Variants in ATG10 observed in about 807,000 individuals in gnomAD.
ATG10 encodes the protein ubiquitin-like-conjugating enzyme ATG10.
A neutral mutation model predicts 32.1 loss-of-function variants in ATG10; 30 were observed. The ratio of observed to expected loss-of-function variants is 0.94; its 90% CI spans 0.70 to 1.27. The LOEUF (loss-of-function observed/expected upper bound fraction) is 1.27, where lower values mean the gene tolerates loss of function less well. ATG10 is among the 50% of genes most tolerant of loss of function. The probability of loss-of-function intolerance (pLI) is 0.00; values close to 1 mark genes in which losing one functional copy is unlikely to be tolerated. For synonymous variants in ATG10, 87 were observed against 91.5 expected (o/e 0.95, Z 0.28); for missense variants, 233 against 262.3 (o/e 0.89, Z 0.77).
At position 81,972,025 on chromosome 5, in the gene ATG10, A is replaced by C. The variant is rs1253456887; in HGVS notation, c.-294A>C. 2 of 152,134 alleles carry C rather than the reference A, an allele frequency of 1.3e-5. No homozygotes were observed. The highest frequency in any genetic ancestry group is 1.3e-4 in the Admixed American group (2 of 15,278). The allele number at this position is 152,134 out of a possible 1,614,324, so 9.4% of individuals were successfully genotyped here. A position where few individuals can be genotyped will look rare whatever the true frequency, so the allele number is the denominator to read the frequency against. ...CGGCCCCCACGGCGCGGGAAGGCGC[A>C]GTGCGCACGCTCCGACTCGGCCGTG... On this transcript the variant is annotated 5_prime_UTR_variant, in exon 1 of 8. Coordinates refer to ENST00000282185, the MANE Select transcript of ATG10 (RefSeq NM_031482.5).
chr5:82,210,717 C>G (rs540058847), intron 5 of ATG10, among the ~76,000 whole-genome samples: 32 of 152,156 alleles, frequency 2.1e-4, no homozygotes, highest in African/African-American at 7.7e-4. Context: ...ATGGCGAGGG[C>G]AGGGAACTTT....
chr5:82,229,989 A>G (rs566790949), intron 5 of ATG10, among the ~76,000 whole-genome samples: 3 of 152,306 alleles, frequency 2.0e-5, no homozygotes, highest in African/African-American at 7.2e-5. Context: ...TGCACTGGTC[A>G]ATCTGAAAAG....
intron 4 of ATG10, among the ~76,000 whole-genome samples, chr5:82,177,798 C>G (rs1228900154): frequency 6.6e-6 from 1 of 152,068 alleles, no homozygotes; most frequent in Non-Finnish European, 1.5e-5. Context: ...TTTTACTGCC[C>G]TCTTCATGCC....
At chr5:82,253,197 C>A in intron 6 of ATG10, 117 bp from the exon 7 acceptor site, 1 of 713,264 alleles carries the variant, frequency 1.4e-6, no homozygotes, top group Non-Finnish European at 2.5e-6. Flanking sequence ...GTGGTAGGTA[C>A]AAATCTTTGA....
At chr5:82,244,589 G>C (rs1189280875) in intron 5 of ATG10, among the ~76,000 whole-genome samples, 3 of 152,064 alleles carry the variant, frequency 2.0e-5, no homozygotes, top group Admixed American at 6.6e-5. Flanking sequence ...TGCCCAGCGT[G>C]GAAGGCAAAT....
chr5:82,081,753 G>A (rs1026220435), intron 3 of ATG10, among the ~76,000 whole-genome samples: 6 of 152,082 alleles, frequency 3.9e-5, no homozygotes, highest in African/African-American at 1.2e-4. Context: ...TGCTGGATTC[G>A]GTTTGCCAGT....
In ATG10 at chr5:82,229,654, A is replaced by T. The variant is rs1013112182; in HGVS notation, c.454-22908A>T. Reference sequence around the variant, plus strand: ...CATATTTTATACAAACTGGCACAGAATCTGAGTAAGTTGTGAGCTTTAGTT... The same window carrying T: ...CATATTTTATACAAACTGGCACAGATTCTGAGTAAGTTGTGAGCTTTAGTT... On this transcript the variant is annotated intron_variant, in intron 5 of 7. Transcript: ENST00000282185. Among the ~76,000 whole-genome samples the T allele has an allele frequency of 5.3e-5, 8 of 152,228 alleles. No individual in the cohort carries two copies. In the East Asian group the frequency reaches 1.5e-3, roughly 29 times the overall value.
intron 5 of ATG10, among the ~76,000 whole-genome samples, chr5:82,213,147 T>G (rs1745555967): frequency 6.6e-6 from 1 of 152,212 alleles, no homozygotes; most frequent in South Asian, 2.1e-4. Context: ...AGTCCTGAAC[T>G]TTTTGCGTCT....
intron 5 of ATG10, among the ~76,000 whole-genome samples, chr5:82,194,965 C>A (rs1744796294): frequency 6.6e-6 from 1 of 152,172 alleles, no homozygotes; most frequent in Admixed American, 6.5e-5. Flanking sequence ...TAAAGATGGC[C>A]AAACTGCACA....
At chr5:82,165,141 A>G (rs994771398) in intron 4 of ATG10, among the ~76,000 whole-genome samples, 1 of 152,212 alleles carries the variant, frequency 6.6e-6, no homozygotes, top group Non-Finnish European at 1.5e-5. Context: ...CAGCAGCCAC[A>G]TGGCGTCCTC....
At chr5:82,233,828 G>A (rs1476927472) in intron 5 of ATG10, among the ~76,000 whole-genome samples, 1 of 152,098 alleles carries the variant, frequency 6.6e-6, no homozygotes, top group East Asian at 1.9e-4. Context: ...AAATTAAATT[G>A]ACAAAAAACA....
intron 4 of ATG10, among the ~76,000 whole-genome samples, chr5:82,170,673 C>T (rs377720695): frequency 1.3e-5 from 2 of 152,022 alleles, no homozygotes; most frequent in African/African-American, 2.4e-5. Flanking sequence ...TGGCAGGGCG[C>T]GGTGGCTCAC....
At chr5:82,020,443 C>T (rs1225452705) in intron 2 of ATG10, among the ~76,000 whole-genome samples, 1 of 152,152 alleles carries the variant, frequency 6.6e-6, no homozygotes, top group Non-Finnish European at 1.5e-5. Flanking sequence ...TTTTAAGCAT[C>T]CCTAATATAT....
At chr5:82,217,054 CAAA>C (rs144022531) in intron 5 of ATG10, among the ~76,000 whole-genome samples, 3 of 144,200 alleles carry the variant, frequency 2.1e-5, no homozygotes, top group Admixed American at 7.0e-5. Flanking sequence ...GACTCAGTCT[CAAA>C]AAAAAAAAAT....
At chr5:82,155,616 A>G (rs1767771245) in intron 3 of ATG10, among the ~76,000 whole-genome samples, 1 of 152,226 alleles carries the variant, frequency 6.6e-6, no homozygotes, top group Non-Finnish European at 1.5e-5. Flanking sequence ...CTGTGGAACT[A>G]GAGATATAAG....
intron 2 of ATG10, among the ~76,000 whole-genome samples, chr5:82,049,412 G>A (rs1260107225): frequency 8.4e-6 from 1 of 119,570 alleles, no homozygotes; most frequent in African/African-American, 3.1e-5. Context: ...GGTGGGGGGA[G>A]GGGGGGAGGG....
At chr5:82,224,101 C>T (rs751052915) in intron 5 of ATG10, among the ~76,000 whole-genome samples, 1 of 152,082 alleles carries the variant, frequency 6.6e-6, no homozygotes, top group Non-Finnish European at 1.5e-5. Context: ...AATAGTAGAA[C>T]CTTTGTTGTT....
intron 3 of ATG10, among the ~76,000 whole-genome samples, chr5:82,087,143 C>G (rs1321745989): frequency 1.3e-5 from 2 of 152,052 alleles, no homozygotes; most frequent in Non-Finnish European, 2.9e-5. Context: ...GTGTTTTAGA[C>G]AGGGTTTATG....
chr5:82,211,720 T>A (rs1745496729), intron 5 of ATG10, among the ~76,000 whole-genome samples: 1 of 152,152 alleles, frequency 6.6e-6, no homozygotes, highest in African/African-American at 2.4e-5. Flanking sequence ...CTCTCCTGAT[T>A]GCTTTCAGGT....
Sources: gnomAD v4.1 joint callset for allele counts (sites outside exome capture counted in the v4.1 genomes callset) on GRCh38, gnomAD v4.1.1 for gene constraint, MANE v1.5 for transcripts, NCBI Gene and HGNC (gene_info 2026-07-23, HGNC 2026-07-21) for gene names.